Variants in PRG4 observed in about 807,000 individuals in gnomAD.
PRG4 encodes articular superficial zone protein.
PRG4 carries 61 observed loss-of-function variants against 91.2 expected under a neutral mutation model. The observed-to-expected ratio is 0.67, with a 90% CI of 0.54 to 0.83. The LOEUF (loss-of-function observed/expected upper bound fraction) is 0.83, where lower values mean the gene tolerates loss of function less well. Among genes scored for constraint, PRG4 ranks in the 40% least tolerant of loss-of-function variants. The pLI is 0.00. For missense variants in PRG4, 1,564 were observed against 1,714.2 expected (o/e 0.91, Z 1.55); for synonymous variants, 576 against 614.2 (o/e 0.94, Z 0.92).
In PRG4 at chr1:186,301,582, C is replaced by T. The variant is rs1031162786; in HGVS notation, c.200-10C>T. The T allele has an allele frequency of 3.1e-6, 5 of 1,613,726 alleles. No individual in the cohort carries two copies. The highest frequency in any genetic ancestry group is 2.7e-5 in the African/African-American group (2 of 74,936). Reference sequence around the variant, plus strand: ...GAATAATCTGTAACTTCTTGTTTTGCTCTGGGTAGAGCTTTCCTGTAAAGG... The same window carrying T: ...GAATAATCTGTAACTTCTTGTTTTGTTCTGGGTAGAGCTTTCCTGTAAAGG... On this transcript the variant is annotated splice_polypyrimidine_tract_variant and intron_variant, in intron 3 of 12. Coordinates refer to ENST00000445192, the MANE Select transcript of PRG4 (RefSeq NM_005807.6).
At chr1:186,304,381 CGAA>C in intron 5 of PRG4, 124 bp downstream of exon 5, 1 of 1,175,004 alleles carries the variant, frequency 8.5e-7, no homozygotes, top group Non-Finnish European at 1.2e-6. Flanking sequence ...TCATTACACT[CGAA>C]GGTTTTAGAC....
chr1:186,302,948 T>G lies in PRG4; in HGVS notation c.320-1160T>G, dbSNP rs535831852. ...AGGTAGAACTCTGAAAAAAAAATGA[T>G]GAAGGCGATGCTGGCCAACTTTCTT... On this transcript the variant is annotated intron_variant, in intron 4 of 12. Coordinates refer to ENST00000445192, the MANE Select transcript of PRG4 (RefSeq NM_005807.6). Among the ~76,000 whole-genome samples the G allele has an allele frequency of 2.6e-5, 4 of 152,216 alleles. No homozygotes were observed. The South Asian group carries it at 8.3e-4, about 32-fold the overall frequency.
intron 5 of PRG4, among the ~76,000 whole-genome samples, chr1:186,304,466 AG>A (rs1656420559): frequency 1.3e-5 from 2 of 152,198 alleles, no homozygotes; most frequent in Non-Finnish European, 2.9e-5. Flanking sequence ...ACCCAGCATG[AG>A]TCTGGGTTAA....
At chr1:186,301,547 G>T in intron 3 of PRG4, 45 bp from the exon 4 acceptor site, 13 of 1,612,338 alleles carry the variant, frequency 8.1e-6, no homozygotes, top group Non-Finnish European at 1.1e-5. Context: ...CGTGGGCCTG[G>T]CTTCACAATG....
intron 8 of PRG4, 77 bp from the exon 9 acceptor site, chr1:186,310,957 A>AT (rs1042511737): frequency 8.5e-5 from 130 of 1,530,334 alleles, no homozygotes; most frequent in Middle Eastern, 3.4e-4. Context: ...AGAAAACTAC[A>AT]TTTTTTTTCA....
chr1:186,297,968 C>A (rs1293989), intron 2 of PRG4, among the ~76,000 whole-genome samples: 94,386 of 152,146 alleles, frequency 0.62, 30,451 homozygotes, highest in East Asian at 0.94. Context: ...TCTCGTAACA[C>A]TATGACAAGG....
At chr1:186,302,665 T>A (rs1353957350) in intron 4 of PRG4, among the ~76,000 whole-genome samples, 1 of 152,188 alleles carries the variant, frequency 6.6e-6, no homozygotes, top group Non-Finnish European at 1.5e-5. Flanking sequence ...ATTCCAAAAA[T>A]GATGAAGACA....
chr1:186,296,637 G>T (rs947972898), intron 1 of PRG4, among the ~76,000 whole-genome samples: 3 of 152,154 alleles, frequency 2.0e-5, no homozygotes, highest in Admixed American at 1.3e-4. Context: ...CAATAACGTG[G>T]CTGAGGGTGA....
rs10158395 is a variant in PRG4 at position 186,309,108 on chromosome 1, A to G, written c.3389A>G (p.Asn1130Ser). The G allele has an allele frequency of 8.3e-3, 13,325 of 1,613,722 alleles. 942 individuals carry two copies. In the African/African-American group the frequency reaches 0.16, roughly 19 times the overall value. The change falls in exon 7 of 13, where the codon AAT becomes AGT. Residue 1130 changes from asparagine to serine, a missense_variant. By Grantham distance (46) the Asn-to-Ser change is conservative. Around this residue, in one of 3 missense-constraint regions of PRG4, gnomAD observed 1,079 missense variants for 1,162.2 expected, o/e 0.93. Coordinates refer to ENST00000445192, the MANE Select transcript of PRG4 (RefSeq NM_005807.6). ...PDMDYLPRVP[N>S]QGIIINPMLS... ...ATGGATTACTTACCGAGAGTACCCA[A>G]TCAAGGCATTATCATCAATCCCATG...
Position 186,308,415 on chromosome 1 carries a change from C to T in PRG4, c.2696C>T (p.Pro899Leu). The change falls in exon 7 of 13, where the codon CCT becomes CTT. Residue 899 changes from proline (P) to leucine (L), a missense_variant. This residue lies in a region of PRG4 where 1,079 missense variants were observed against 1,162.2 expected (regional missense o/e 0.93). Coordinates refer to ENST00000445192, the MANE Select transcript of PRG4 (RefSeq NM_005807.6). ...LENSPKEPGV[P>L]TTKTPAATKP... ...AACAGTCCCAAGGAACCTGGTGTAC[C>T]TACAACTAAGACTCCTGCAGCGACT... The T allele has an allele frequency of 6.2e-7, 1 of 1,613,948 alleles. No homozygotes were observed. Among genetic ancestry groups the T allele is most frequent in the Non-Finnish European group, 8.5e-7 (1 of 1,180,040 alleles).
At chr1:186,311,323 G>A (rs1657210605) in intron 9 of PRG4, 117 bp from the exon 10 acceptor site, 1 of 1,423,668 alleles carries the variant, frequency 7.0e-7, no homozygotes, top group Non-Finnish European at 9.8e-7. Flanking sequence ...AACAGTAATG[G>A]TCAAAATTCA....
chr1:186,299,460 A>T (rs1656061106), intron 2 of PRG4, among the ~76,000 whole-genome samples: 1 of 152,234 alleles, frequency 6.6e-6, no homozygotes, highest in Non-Finnish European at 1.5e-5. Flanking sequence ...TTAAAATAAG[A>T]TATATCAGAG....
intron 2 of PRG4, among the ~76,000 whole-genome samples, chr1:186,297,487 T>G (rs758414063): frequency 2.0e-5 from 3 of 152,228 alleles, no homozygotes; most frequent in Non-Finnish European, 4.4e-5. Flanking sequence ...GGTATGGACA[T>G]ATACAGATGT....
chr1:186,301,882 G>A (rs994929666), intron 4 of PRG4, among the ~76,000 whole-genome samples, 171 bp downstream of exon 4: 7 of 152,136 alleles, frequency 4.6e-5, no homozygotes, highest in African/African-American at 9.7e-5. Context: ...GAAGAAAAGC[G>A]CCTTCCAACA....
Position 186,300,174 on chromosome 1 carries a change from A to G in PRG4, c.160A>G (p.Met54Val), listed in dbSNP as rs753207228. Residue 54 changes from methionine (M) to valine (V), a missense_variant, in exon 3 of 13, where the codon ATG becomes GTG. Transcript: ENST00000445192. Reference sequence around the variant, plus strand: ...CTGTGATTATAACTGTCAACACTACATGGAGTGCTGCCCTGATTTCAAGAG... The same window carrying G: ...CTGTGATTATAACTGTCAACACTACGTGGAGTGCTGCCCTGATTTCAAGAG... The part of the protein sequence containing the change: ...CNCDYNCQHY[M>V]ECCPDFKRVC... 16 of 1,614,170 alleles carry G rather than the reference A, an allele frequency of 9.9e-6. No homozygotes were observed. In the South Asian group the frequency reaches 1.5e-4, roughly 16 times the overall value.
At chr1:186,306,074 C>T (rs899819780) in intron 6 of PRG4, among the ~76,000 whole-genome samples, 2 of 152,144 alleles carry the variant, frequency 1.3e-5, no homozygotes, top group African/African-American at 2.4e-5. Context: ...TTGCCACTGA[C>T]TTCCATGTAT....
At chr1:186,310,657 A>ATTTTTTTTTTTTTT (rs746583527) in intron 8 of PRG4, among the ~76,000 whole-genome samples, 3 of 135,880 alleles carry the variant, frequency 2.2e-5, no homozygotes, top group African/African-American at 8.8e-5. Flanking sequence ...TAATTTTTGT[A>ATTTTTTTTTTTTTT]TTTTTTTTTG....
chr1:186,304,940 G>T lies in PRG4; in HGVS notation c.598+18G>T, dbSNP rs1426639458. ...ACTCAAAGGTTTGAGCATTGATAAA[G>T]ATCAAAGACTGTATCAATGCCATAT... On this transcript the variant is annotated intron_variant, in intron 6 of 12. Transcript: ENST00000445192. 6.2e-7 allele frequency: 1 copy of T among 1,610,346 alleles called. No homozygotes were observed. The highest frequency in any genetic ancestry group is 2.2e-5 in the East Asian group (1 of 44,734).
In PRG4 at chr1:186,305,202, C is replaced by A. The variant is rs144318321; in HGVS notation, c.598+280C>A. Among the ~76,000 whole-genome samples, 541 of 152,268 alleles carry A rather than the reference C, an allele frequency of 3.6e-3. 6 individuals carry two copies. Among genetic ancestry groups the A allele is most frequent in the African/African-American group, 0.013 (529 of 41,548 alleles). ...ATGATTATTGATGGCTTTCTACTGT[C>A]ATTCTTGTTTACTTGACATCATTTT... is the stretch of plus-strand genomic sequence containing the variant. On this transcript the variant is annotated intron_variant, in intron 6 of 12. Coordinates refer to ENST00000445192, the MANE Select transcript of PRG4 (RefSeq NM_005807.6).
Sources: gnomAD v4.1 joint callset for allele counts (sites outside exome capture counted in the v4.1 genomes callset) on GRCh38, gnomAD v4.1.1 for gene constraint, gnomAD v4.1.1 regional missense constraint, MANE v1.5 for transcripts, NCBI Gene and HGNC (gene_info 2026-07-23, HGNC 2026-07-21) for gene names.